SPATS1: variants seen among roughly 807,000 people sequenced by gnomAD.
SPATS1 encodes spermatogenesis-associated serine-rich protein 1.
A neutral mutation model predicts 33.6 loss-of-function variants in SPATS1; 23 were observed. The observed-to-expected ratio is 0.68, with a 90% CI of 0.49 to 0.97. The LOEUF (loss-of-function observed/expected upper bound fraction) is 0.97, where lower values mean the gene tolerates loss of function less well. SPATS1 is among the 50% of genes least tolerant of loss of function. SPATS1 has a pLI of 0.00. For missense variants in SPATS1, 327 were observed against 361.0 expected (o/e 0.91, Z 0.76); for synonymous variants, 131 against 125.6 (o/e 1.04, Z -0.29).
At chr6:44,352,096 C>T (rs7746004) in intron 2 of SPATS1, among the ~76,000 whole-genome samples, 8 of 152,054 alleles carry the variant, frequency 5.3e-5, no homozygotes, top group African/African-American at 1.9e-4. Flanking sequence ...TTTAGTGTCA[C>T]AAGAGCTGTA....
chr6:44,352,881 A>C lies in SPATS1; in HGVS notation c.287+8A>C. 6.2e-7 allele frequency: 1 copy of C among 1,613,864 alleles called. No individual in the cohort carries two copies. Among genetic ancestry groups the C allele is most frequent in the East Asian group, 2.2e-5 (1 of 44,876 alleles). ...AGTGTCTGCTTACGTAGAGTAAGTA[A>C]GGGTCTGGTGCAGAGCTGTCACGGT... On this transcript the variant is annotated splice_region_variant and intron_variant, in intron 3 of 8. Coordinates refer to ENST00000674044, the MANE Select transcript of SPATS1 (RefSeq NM_001372081.1).
chr6:44,354,017 G>A (rs1394426111), intron 3 of SPATS1, among the ~76,000 whole-genome samples: 5 of 129,248 alleles, frequency 3.9e-5, no homozygotes, highest in Admixed American at 9.8e-5. Context: ...CAGCCTGGGC[G>A]ACAGAGCGAG....
At chr6:44,375,427 G>T (rs1414558643) in intron 7 of SPATS1, among the ~76,000 whole-genome samples, 4 of 152,162 alleles carry the variant, frequency 2.6e-5, no homozygotes, top group Non-Finnish European at 5.9e-5. Context: ...TGGGAGATAG[G>T]ACATCAGGGG....
Position 44,377,682 on chromosome 6 carries a change from T to C in SPATS1, c.*619T>C. On this transcript the variant is annotated 3_prime_UTR_variant, in exon 9 of 9. Coordinates refer to ENST00000674044, the MANE Select transcript of SPATS1 (RefSeq NM_001372081.1). Reference sequence around the variant, plus strand: ...TCTTACAGTTCTGGAGGCTGGGAAGTCCAAGCGCAGGGTGCTGGCAGGTTC... The same window carrying C: ...TCTTACAGTTCTGGAGGCTGGGAAGCCCAAGCGCAGGGTGCTGGCAGGTTC... 6.3e-6 allele frequency: 1 copy of C among 158,828 alleles called. No homozygotes were observed. The highest frequency in any genetic ancestry group is 1.4e-5 in the Non-Finnish European group (1 of 73,114). The allele number at this position is 158,828 out of a possible 1,614,324, so 9.8% of individuals were successfully genotyped here.
intron 6 of SPATS1, 23 bp downstream of exon 6, chr6:44,368,522 A>T: frequency 6.3e-7 from 1 of 1,598,514 alleles, no homozygotes; most frequent in East Asian, 2.2e-5. Context: ...TAATACTAGC[A>T]TTATATAGTT....
intron 7 of SPATS1, among the ~76,000 whole-genome samples, chr6:44,372,719 C>G (rs1375683886): frequency 1.3e-5 from 2 of 152,206 alleles, no homozygotes; most frequent in Non-Finnish European, 2.9e-5. Flanking sequence ...CTTGGGCTCC[C>G]AAAGTGCTGG....
At chr6:44,363,652 TTCCCTCCTTCCC>T (rs1561958515) in intron 5 of SPATS1, among the ~76,000 whole-genome samples, 2 of 135,346 alleles carry the variant, frequency 1.5e-5, no homozygotes, top group Non-Finnish European at 3.0e-5. Context: ...CCTTCCTTCC[TTCCCTCCTTCCC>T]TCCTTCCTTC....
Position 44,343,164 on chromosome 6 carries a change from C to T in SPATS1, c.69C>T (p.Thr23=), listed in dbSNP as rs1787667160. ...GCRLPSISST[T]CGRQLEKVPE... is the part of the protein sequence containing the mutation. Reference sequence around the variant, plus strand: ...GTCTCCCCTCCATCTCAAGCACGACCTGCGGCAGACAGCTGGAGAAGGTTC... The same window carrying T: ...GTCTCCCCTCCATCTCAAGCACGACTTGCGGCAGACAGCTGGAGAAGGTTC... The change falls in exon 2 of 9, where the codon ACC becomes ACT. Residue 23 remains threonine, a synonymous_variant. Transcript: ENST00000674044. The T allele has an allele frequency of 1.9e-6, 3 of 1,614,164 alleles. No homozygotes were observed. In the African/African-American group the frequency reaches 4.0e-5, roughly 22 times the overall value.
At chr6:44,359,604 T>G (rs556105842) in intron 3 of SPATS1, among the ~76,000 whole-genome samples, 13 of 152,284 alleles carry the variant, frequency 8.5e-5, no homozygotes, top group Admixed American at 5.9e-4. Context: ...TGAGACAGGA[T>G]CTCACTTTGT....
intron 1 of SPATS1, 107 bp downstream of exon 1, chr6:44,342,875 C>T: frequency 7.7e-7 from 1 of 1,301,070 alleles, no homozygotes; most frequent in Non-Finnish European, 1.0e-6. Flanking sequence ...GGGGCTGCAG[C>T]GAGCCTGGTT....
In SPATS1 at chr6:44,352,790, A is replaced by T; in HGVS notation, c.204A>T (p.Lys68Asn). ...GCFANTTPSG[K>N]SVSSSSSVET... ...TTGCCAACACAACACCCTCTGGCAA[A>T]AGTGTCAGTTCCTCATCTTCTGTGG... is the stretch of plus-strand genomic sequence containing the variant. The change falls in exon 3 of 9, where the codon AAA becomes AAT. Residue 68 changes from lysine (K) to asparagine (N), a missense_variant. Transcript: ENST00000674044. 1 of 1,614,178 alleles carries T rather than the reference A, an allele frequency of 6.2e-7. No individual in the cohort carries two copies. The highest frequency in any genetic ancestry group is 1.1e-5 in the South Asian group (1 of 91,080).
At chr6:44,370,882 C>T (rs1181952374) in intron 7 of SPATS1, among the ~76,000 whole-genome samples, 2 of 152,042 alleles carry the variant, frequency 1.3e-5, no homozygotes, top group African/African-American at 4.8e-5. Flanking sequence ...CATCACTCTA[C>T]TATTTTAGCT....
At chr6:44,348,070 A>C (rs9381313) in intron 2 of SPATS1, among the ~76,000 whole-genome samples, 106,012 of 151,120 alleles carry the variant, frequency 0.7, 37,964 homozygotes, top group Middle Eastern at 0.78. Flanking sequence ...GCAGTGTGGC[A>C]TGATCTCAGG....
rs1018304195 is a variant in SPATS1 at position 44,377,818 on chromosome 6, A to C, written c.*755A>C. Reference sequence around the variant, plus strand: ...CTGGGGTCTCTTTTACAAGGGCACTAATCTCATTCATGAGGGCTCTGGTCT... The same window carrying C: ...CTGGGGTCTCTTTTACAAGGGCACTCATCTCATTCATGAGGGCTCTGGTCT... On this transcript the variant is annotated 3_prime_UTR_variant, in exon 9 of 9. Transcript: ENST00000674044. 2.0e-5 allele frequency: 3 copies of C among 152,234 alleles called. No homozygotes were observed. Among genetic ancestry groups the C allele is most frequent in the Non-Finnish European group, 4.4e-5 (3 of 68,114 alleles). 9.4% of individuals were successfully genotyped at this position (152,234 alleles called of 1,614,324 possible).
Position 44,377,153 on chromosome 6 carries a change from A to G in SPATS1, c.*90A>G. 6.7e-7 allele frequency: 1 copy of G among 1,502,448 alleles called. No homozygotes were observed. Among genetic ancestry groups the G allele is most frequent in the Admixed American group, 1.7e-5 (1 of 59,704 alleles). The allele number at this position is 1,502,448 out of a possible 1,614,324, so 93.1% of individuals were successfully genotyped here. Reference sequence around the variant, plus strand: ...TTTGTCATGTGACTGTTCTAAATCCAGTGTTTGACCCTTATGAGGAAGTGT... The same window carrying G: ...TTTGTCATGTGACTGTTCTAAATCCGGTGTTTGACCCTTATGAGGAAGTGT... On this transcript the variant is annotated 3_prime_UTR_variant, in exon 9 of 9. Transcript: ENST00000674044.
In SPATS1 at chr6:44,379,913, T is replaced by C. The variant is rs1281737249; in HGVS notation, c.*2850T>C. ...TTTTCGCTGGATCTGGTGTTCTCTG[T>C]GGGTACATCTCGATGCCCAGGCCTT... On this transcript the variant is annotated 3_prime_UTR_variant, in exon 9 of 9. Transcript: ENST00000674044. Among the ~76,000 whole-genome samples, 2 of 152,116 alleles carry C rather than the reference T, an allele frequency of 1.3e-5. No individual in the cohort carries two copies. The highest frequency in any genetic ancestry group is 4.8e-5 in the African/African-American group (2 of 41,438).
At position 44,377,177 on chromosome 6, in the gene SPATS1, G is replaced by A. The variant is rs1460672226; in HGVS notation, c.*114G>A. The A allele has an allele frequency of 1.5e-6, 2 of 1,319,334 alleles. No individual in the cohort carries two copies. The highest frequency in any genetic ancestry group is 1.3e-5 in the South Asian group (1 of 79,384). 81.7% of individuals were successfully genotyped at this position (1,319,334 alleles called of 1,614,324 possible). A position where few individuals can be genotyped will look rare whatever the true frequency, so the allele number is the denominator to read the frequency against. On this transcript the variant is annotated 3_prime_UTR_variant, in exon 9 of 9. Coordinates refer to ENST00000674044, the MANE Select transcript of SPATS1 (RefSeq NM_001372081.1). ...CAGTGTTTGACCCTTATGAGGAAGT[G>A]TTGTGCTTTGCTTTTTTAAAACTTT...
chr6:44,354,743 C>T (rs774086028), intron 3 of SPATS1, among the ~76,000 whole-genome samples: 5 of 152,198 alleles, frequency 3.3e-5, no homozygotes, highest in Non-Finnish European at 7.3e-5. Context: ...ATAGGGCTCA[C>T]TCTTGGTGTT....
Position 44,361,936 on chromosome 6 carries a change from A to G in SPATS1, c.518A>G (p.Asn173Ser), listed in dbSNP as rs767690900. The part of the protein sequence containing the change: ...QCFFNGVFLG[N>S]KRSLSERTVD... ...TTCTTTAATGGAGTCTTCCTCGGCA[A>G]CAAGAGGTCTCTATCAGAGAGGACG... Residue 173 changes from asparagine to serine, a missense_variant, in exon 5 of 9, where the codon AAC (asparagine) becomes AGC (serine). Transcript: ENST00000674044. 6.8e-6 allele frequency: 11 copies of G among 1,614,130 alleles called. No individual in the cohort carries two copies. In the African/African-American group the frequency reaches 1.5e-4, roughly 22 times the overall value.
Sources: allele counts gnomAD v4.1 joint callset (sites outside exome capture counted in the v4.1 genomes callset), GRCh38; gene constraint gnomAD v4.1.1; transcripts MANE v1.5; gene names NCBI Gene and HGNC (gene_info 2026-07-23, HGNC 2026-07-21).